The following SBNO2 variants were observed in gnomAD, a reference collection of about 807,000 sequenced individuals.
SBNO2 encodes the protein protein strawberry notch homolog 2.
In SBNO2, 89 loss-of-function variants were observed where a neutral mutation model predicts 146.3. The ratio of observed to expected loss-of-function variants is 0.61; its 90% confidence interval spans 0.51 to 0.73. The LOEUF (loss-of-function observed/expected upper bound fraction) is 0.73, where lower values mean the gene tolerates loss of function less well. SBNO2 is among the 30% of genes least tolerant of loss of function. The pLI is 0.00. For synonymous variants in SBNO2, 1,147 were observed against 892.6 expected (o/e 1.29, Z -5.08); for missense variants, 2,092 against 2,003.7 (o/e 1.04, Z -0.84).
chr19:1,119,478 C>A (rs537369011), intron 13 of SBNO2, 38 bp downstream of exon 13: 2 of 1,412,372 alleles, frequency 1.4e-6, no homozygotes, highest in East Asian at 4.9e-5. Context: ...CCTCCCCACC[C>A]CCCGCCGCCC....
At chr19:1,149,575 T>G in intron 2 of SBNO2, 133 bp from the exon 3 acceptor site, 1 of 747,086 alleles carries the variant, frequency 1.3e-6, no homozygotes, top group Non-Finnish European at 2.3e-6. Flanking sequence ...CCGCCCCTGC[T>G]GGTATCTCCT....
chr19:1,118,497 C>G (rs914206615), intron 14 of SBNO2, among the ~76,000 whole-genome samples: 10 of 152,166 alleles, frequency 6.6e-5, no homozygotes, highest in South Asian at 2.1e-4. Context: ...TGGGCCAGGA[C>G]CTGGGGGCAA....
chr19:1,123,091 G>T, intron 7 of SBNO2, 46 bp from the exon 8 acceptor site: 1 of 1,571,716 alleles, frequency 6.4e-7, no homozygotes. Flanking sequence ...ATGGCCAAGG[G>T]GTGACCAGGG....
At chr19:1,119,291 G>T (rs1022600508) in intron 13 of SBNO2, 127 bp from the exon 14 acceptor site, 1 of 1,193,272 alleles carries the variant, frequency 8.4e-7, no homozygotes, top group African/African-American at 1.5e-5. Context: ...CGGCCACTGA[G>T]GCAGTTGGCA....
intron 11 of SBNO2, among the ~76,000 whole-genome samples, chr19:1,121,554 G>A (rs1389805661): frequency 1.3e-5 from 2 of 152,190 alleles, no homozygotes; most frequent in Non-Finnish European, 2.9e-5. Flanking sequence ...CTGCAGGGCC[G>A]AGCACCAGGG....
intron 5 of SBNO2, among the ~76,000 whole-genome samples, chr19:1,125,581 G>A (rs2079956005): frequency 6.6e-6 from 1 of 152,052 alleles, no homozygotes. Context: ...GAGGAGGCAG[G>A]AGAATCTCTT....
Position 1,108,878 on chromosome 19 carries a change from G to A in SBNO2, c.3517C>T (p.Arg1173Cys), listed in dbSNP as rs1220589800. The A allele has an allele frequency of 6.3e-7, 1 of 1,590,642 alleles. No individual in the cohort carries two copies. The highest frequency in any genetic ancestry group is 1.1e-5 in the South Asian group (1 of 89,636). The change falls in exon 31 of 32, where the codon CGC becomes TGC. Residue 1173 changes from arginine (R) to cysteine (C), a missense_variant. Coordinates refer to ENST00000361757, the MANE Select transcript of SBNO2 (RefSeq NM_014963.3). Reference sequence around the variant, plus strand: ...ACGGCGGCGATGCGGCCCCACACGCGCAGCAGCGCGCCGCACAGCATGTAG... The same window carrying A: ...ACGGCGGCGATGCGGCCCCACACGCACAGCAGCGCGCCGCACAGCATGTAG... ...HHYMLCGALLRVWGRIAAVMA... is the reference protein window; with the variant it reads ...HHYMLCGALLCVWGRIAAVMA...
At chr19:1,163,470 G>C (rs2080369699) in intron 1 of SBNO2, among the ~76,000 whole-genome samples, 1 of 152,220 alleles carries the variant, frequency 6.6e-6, no homozygotes, top group South Asian at 2.1e-4. Context: ...CACTGCTGCG[G>C]CCGCCACGAG....
chr19:1,109,303 T>G lies in SBNO2; in HGVS notation c.3337A>C (p.Lys1113Gln). 1 of 1,596,402 alleles carries G rather than the reference T, an allele frequency of 6.3e-7. No individual in the cohort carries two copies. The highest frequency in any genetic ancestry group is 8.5e-7 in the Non-Finnish European group (1 of 1,172,662). ...QLEALDSLRR[K>Q]FHRVTAEEAK... ...CGGCGGCCGCCTACCCGGTGGAACT[T>G]GCGGCGGAGGCTGTCCAGGGCCTCC... Residue 1113 changes from lysine to glutamine, a missense_variant, in exon 29 of 32, where the codon AAG becomes CAG. Coordinates refer to ENST00000361757, the MANE Select transcript of SBNO2 (RefSeq NM_014963.3). This position sits in a 1 kb window ranked among gnomAD's most constrained non-coding sequence, Gnocchi z 4.2.
At chr19:1,155,726 C>G (rs982091876) in intron 1 of SBNO2, among the ~76,000 whole-genome samples, 1 of 152,150 alleles carries the variant, frequency 6.6e-6, no homozygotes, top group Non-Finnish European at 1.5e-5. Flanking sequence ...CTGGGACCCC[C>G]CGACCCCGGC....
chr19:1,113,020 C>T, intron 19 of SBNO2, 71 bp from the exon 20 acceptor site: 1 of 1,492,166 alleles, frequency 6.7e-7, no homozygotes, highest in Non-Finnish European at 9.0e-7. Flanking sequence ...ACCCGTGTCT[C>T]AGCTTCCCTA....
At chr19:1,137,073 A>AGCACCC (rs1444321885) in intron 4 of SBNO2, among the ~76,000 whole-genome samples, 1 of 148,754 alleles carries the variant, frequency 6.7e-6, no homozygotes, top group African/African-American at 2.5e-5. Flanking sequence ...AGGGTGAAGG[A>AGCACCC]GCACCCCCAC....
At position 1,110,829 on chromosome 19, in the gene SBNO2, C is replaced by T. The variant is rs1276168951; in HGVS notation, c.2944G>A (p.Ala982Thr). The change falls in exon 26 of 32, where the codon GCC (alanine) becomes ACC (threonine). Residue 982 changes from alanine (A) to threonine (T), a missense_variant. By Grantham distance (58) the Ala-to-Thr change is moderately conservative. Coordinates refer to ENST00000361757, the MANE Select transcript of SBNO2 (RefSeq NM_014963.3). This position sits in a 1 kb window ranked among gnomAD's most constrained non-coding sequence, Gnocchi z 4.9. ...GTGTCTGAGAAGTACTGGAACAGGG[C>T]GTTCTGCTTGTGCACCTCCAGCCCC... ...ILGLEVHKQN[A>T]LFQYFSDTFD... 3 of 1,613,670 alleles carry T rather than the reference C, an allele frequency of 1.9e-6. No homozygotes were observed. The highest frequency in any genetic ancestry group is 2.2e-5 in the South Asian group (2 of 91,082).
In SBNO2 at chr19:1,157,702, T is replaced by C. The variant is rs1394679967; in HGVS notation, c.-126-3300A>G. 2.6e-5 allele frequency among the ~76,000 whole-genome samples: 4 copies of C among 152,100 alleles called. No individual in the cohort carries two copies. The highest frequency in any genetic ancestry group is 9.7e-5 in the African/African-American group (4 of 41,394). On this transcript the variant is annotated intron_variant, in intron 1 of 31. Coordinates refer to ENST00000361757, the MANE Select transcript of SBNO2 (RefSeq NM_014963.3). The surrounding 1 kb of genome is among the most constrained non-coding windows in gnomAD (Gnocchi z 6.8). ...AGGGAGTCGTTGTAAAAGAGAACGA[T>C]GAAGGTGCTGGTGGCCCAGACAGGA...
Position 1,111,040 on chromosome 19 carries a change from C to A in SBNO2, c.2863G>T (p.Gly955Cys). Residue 955 changes from glycine to cysteine, a missense_variant, in exon 25 of 32, where the codon GGC (glycine) becomes TGC (cysteine). Transcript: ENST00000361757. ...VGIGGRESRN[G>C]CLDVEKDCSI... ...TCACCCTTCTCCACGTCCAGGCAGCCATTCCGGGACTCCCGGCCACCAATG... is the reference window on the plus strand; with the variant it reads ...TCACCCTTCTCCACGTCCAGGCAGCAATTCCGGGACTCCCGGCCACCAATG... 1 of 1,574,490 alleles carries A rather than the reference C, an allele frequency of 6.4e-7. No individual in the cohort carries two copies. Among genetic ancestry groups the A allele is most frequent in the Non-Finnish European group, 8.6e-7 (1 of 1,160,878 alleles).
chr19:1,122,981 G>C lies in SBNO2; in HGVS notation c.693C>G (p.Pro231=). Residue 231 remains proline (P), a synonymous_variant, in exon 8 of 32, where the codon CCC becomes CCG. Coordinates refer to ENST00000361757, the MANE Select transcript of SBNO2 (RefSeq NM_014963.3). The stretch of plus-strand genomic sequence containing the variant: ...GGGCCAGGGTGTAGGTGATGTCTGG[G>C]GGTGGGACGCTGGACAGTGTGCTGG... ...VETSTLSSVP[P]PDITYTLALP... 4 of 1,577,474 alleles carry C rather than the reference G, an allele frequency of 2.5e-6. No individual in the cohort carries two copies. Among genetic ancestry groups the C allele is most frequent in the Non-Finnish European group, 2.6e-6 (3 of 1,162,410 alleles).
At chr19:1,123,104 G>A (rs1014026891) in intron 7 of SBNO2, 59 bp from the exon 8 acceptor site, 200 of 1,551,452 alleles carry the variant, frequency 1.3e-4, no homozygotes, top group Admixed American at 2.3e-4. Context: ...GACCAGGGCC[G>A]GTTATGGCAC....
chr19:1,160,387 G>A (rs568790178), intron 1 of SBNO2, among the ~76,000 whole-genome samples: 7 of 152,308 alleles, frequency 4.6e-5, no homozygotes, highest in South Asian at 2.1e-4. Context: ...TCTGCGGGGC[G>A]GCCTCACAGG....
At chr19:1,127,851 A>T in intron 4 of SBNO2, 86 bp from the exon 5 acceptor site, 1 of 1,256,326 alleles carries the variant, frequency 8.0e-7, no homozygotes, top group South Asian at 1.3e-5. Context: ...GATGGGAGAC[A>T]CCACGGCCCT....
Sources: allele counts gnomAD v4.1 joint callset (sites outside exome capture counted in the v4.1 genomes callset), GRCh38; gene constraint gnomAD v4.1.1; non-coding constraint Gnocchi (gnomAD v3.1); transcripts MANE v1.5; gene names NCBI Gene and HGNC (gene_info 2026-07-23, HGNC 2026-07-21).